The following LHFPL6 variants were observed in gnomAD, a reference collection of about 807,000 sequenced individuals.
LHFPL6 encodes LHFPL tetraspan subfamily member 6.
LHFPL6 carries 9 observed loss-of-function variants against 20.6 expected under a neutral mutation model. The observed-to-expected ratio is 0.44, with a 90% CI of 0.26 to 0.76. The LOEUF is 0.76. Among genes scored for constraint, LHFPL6 ranks in the 30% least tolerant of loss-of-function variants. The pLI, the probability that LHFPL6 is intolerant of heterozygous loss-of-function variation, is 0.20. For synonymous variants in LHFPL6, 105 were observed against 98.7 expected (o/e 1.06, Z -0.38); for missense variants, 218 against 253.5 (o/e 0.86, Z 0.95).
intron 2 of LHFPL6, among the ~76,000 whole-genome samples, chr13:39,421,289 T>C (rs1871478417): frequency 6.6e-6 from 1 of 152,198 alleles, no homozygotes; most frequent in Admixed American, 6.5e-5. Flanking sequence ...AAATGTTTGC[T>C]TTAAACTTTT....
chr13:39,418,873 T>C (rs547988030), intron 2 of LHFPL6, among the ~76,000 whole-genome samples: 65 of 152,290 alleles, frequency 4.3e-4, no homozygotes, highest in African/African-American at 1.5e-3. Flanking sequence ...AAGAATCCCA[T>C]TCATCCTGAG....
intron 2 of LHFPL6, among the ~76,000 whole-genome samples, chr13:39,513,120 T>C (rs564768795): frequency 1.3e-5 from 2 of 152,374 alleles, no homozygotes; most frequent in African/African-American, 4.8e-5. Flanking sequence ...CCTTAAAATT[T>C]TACTAACTGG....
intron 2 of LHFPL6, among the ~76,000 whole-genome samples, chr13:39,409,651 A>T (rs1477454349): frequency 6.6e-6 from 1 of 152,130 alleles, no homozygotes; most frequent in Admixed American, 6.5e-5. Flanking sequence ...TTGACATGAC[A>T]GTTCAATATA....
At chr13:39,492,252 A>G (rs554263373) in intron 2 of LHFPL6, among the ~76,000 whole-genome samples, 7 of 152,340 alleles carry the variant, frequency 4.6e-5, no homozygotes, top group Non-Finnish European at 8.8e-5. Context: ...CCATAATGTC[A>G]TTCCCTGAGT....
chr13:39,479,566 T>A (rs1262402429), intron 2 of LHFPL6, among the ~76,000 whole-genome samples: 1 of 152,122 alleles, frequency 6.6e-6, no homozygotes, highest in Non-Finnish European at 1.5e-5. Context: ...TCAACAGTAA[T>A]GTCAGAGAAA....
chr13:39,512,314 C>T (rs189056148), intron 2 of LHFPL6, among the ~76,000 whole-genome samples: 85 of 152,176 alleles, frequency 5.6e-4, no homozygotes, highest in African/African-American at 2.0e-3. Flanking sequence ...TACAAGAAAT[C>T]AGACCAGGCT....
intron 2 of LHFPL6, among the ~76,000 whole-genome samples, chr13:39,394,738 C>G (rs980263795): frequency 2.0e-5 from 3 of 152,106 alleles, no homozygotes; most frequent in Non-Finnish European, 4.4e-5. Flanking sequence ...AGCCATTTCC[C>G]TTTAAGTACA....
intron 2 of LHFPL6, among the ~76,000 whole-genome samples, chr13:39,538,921 T>A (rs562841659): frequency 6.6e-6 from 1 of 152,290 alleles, no homozygotes; most frequent in South Asian, 2.1e-4. Flanking sequence ...GATGGCAAAC[T>A]TTTTAGGGTA....
chr13:39,583,169 CTTT>C (rs34898470), intron 2 of LHFPL6, among the ~76,000 whole-genome samples: 13 of 114,130 alleles, frequency 1.1e-4, no homozygotes, highest in African/African-American at 3.0e-4. Context: ...ATGCCAAATT[CTTT>C]TTTTTTTTTT....
intron 2 of LHFPL6, among the ~76,000 whole-genome samples, chr13:39,483,494 T>A (rs1467689916): frequency 6.6e-6 from 1 of 151,954 alleles, no homozygotes; most frequent in Non-Finnish European, 1.5e-5. Flanking sequence ...TTTTTTTTTT[T>A]TTTTTTTTTA....
At chr13:39,391,467 T>TA (rs1372275187) in intron 2 of LHFPL6, among the ~76,000 whole-genome samples, 1 of 152,182 alleles carries the variant, frequency 6.6e-6, no homozygotes, top group East Asian at 1.9e-4. Context: ...TTGTAAGGAT[T>TA]ATAAGGATTT....
chr13:39,466,125 A>G (rs886882015), intron 2 of LHFPL6, among the ~76,000 whole-genome samples: 1 of 152,204 alleles, frequency 6.6e-6, no homozygotes, highest in Admixed American at 6.5e-5. Flanking sequence ...TTCTTCAGCT[A>G]TCTTTCACTA....
chr13:39,501,967 G>A (rs1869308237), intron 2 of LHFPL6, among the ~76,000 whole-genome samples: 1 of 152,228 alleles, frequency 6.6e-6, no homozygotes, highest in African/African-American at 2.4e-5. Flanking sequence ...AGGACAGTGA[G>A]CCAAGGGCCC....
chr13:39,567,132 A>G (rs1029342470), intron 2 of LHFPL6, among the ~76,000 whole-genome samples: 1 of 152,044 alleles, frequency 6.6e-6, no homozygotes, highest in Non-Finnish European at 1.5e-5. Context: ...TCTGTCCCAA[A>G]CACAGATCAG....
Position 39,409,136 on chromosome 13 carries a change from C to A in LHFPL6, c.386-30610G>T, listed in dbSNP as rs1360241347. Among the ~76,000 whole-genome samples the A allele has an allele frequency of 2.0e-5, 3 of 152,068 alleles. No homozygotes were observed. In the East Asian group the frequency reaches 5.8e-4, roughly 29 times the overall value. On this transcript the variant is annotated intron_variant, in intron 2 of 3. Coordinates refer to ENST00000379589, the MANE Select transcript of LHFPL6 (RefSeq NM_005780.3). The stretch of plus-strand genomic sequence containing the variant: ...AATGAATTTTTCCTTCAAGACATTC[C>A]CTGAGTCATCAGACCTAGCTCAAAT...
chr13:39,514,870 A>T (rs1869849705), intron 2 of LHFPL6, among the ~76,000 whole-genome samples: 1 of 152,252 alleles, frequency 6.6e-6, no homozygotes, highest in Admixed American at 6.5e-5. Flanking sequence ...AAAATAGCGA[A>T]GTGCTAAAGG....
chr13:39,410,494 A>G (rs1871220246), intron 2 of LHFPL6, among the ~76,000 whole-genome samples: 1 of 152,246 alleles, frequency 6.6e-6, no homozygotes, highest in Non-Finnish European at 1.5e-5. Context: ...CTCTCCATCT[A>G]GGATCTAAAC....
chr13:39,344,574 T>A (rs1040061875), intron 3 of LHFPL6, among the ~76,000 whole-genome samples: 8 of 152,136 alleles, frequency 5.3e-5, no homozygotes, highest in African/African-American at 1.9e-4. Flanking sequence ...AAAACAAAAA[T>A]TCCCAGATTC....
chr13:39,501,024 T>G (rs369150991), intron 2 of LHFPL6, among the ~76,000 whole-genome samples: 3 of 152,214 alleles, frequency 2.0e-5, no homozygotes, highest in Non-Finnish European at 4.4e-5. Context: ...CCAAGTGATG[T>G]TGATGCTCTC....
Sources: allele counts gnomAD v4.1 joint callset (sites outside exome capture counted in the v4.1 genomes callset), GRCh38; gene constraint gnomAD v4.1.1; transcripts MANE v1.5; gene names NCBI Gene and HGNC (gene_info 2026-07-23, HGNC 2026-07-21).